CAST: variants seen among roughly 807,000 people sequenced by gnomAD.
The protein encoded by CAST is MIR583 host.
A neutral mutation model predicts 119.6 loss-of-function variants in CAST; 76 were observed. The ratio of observed to expected loss-of-function variants is 0.64; its 90% CI spans 0.53 to 0.77. The LOEUF (loss-of-function observed/expected upper bound fraction) is 0.77, where lower values mean the gene tolerates loss of function less well. Among genes scored for constraint, CAST ranks in the 30% least tolerant of loss-of-function variants. The pLI, the probability that CAST is intolerant of heterozygous loss-of-function variation, is 0.00. For synonymous variants in CAST, 319 were observed against 331.6 expected, an observed-to-expected ratio of 0.96 and a Z score of 0.41; for missense variants, 953 against 946.5, an observed-to-expected ratio of 1.01 and a Z score of -0.09.
At chr5:96,544,659 T>G (rs1745972802) in intron 1 of CAST, among the ~76,000 whole-genome samples, 1 of 151,906 alleles carries the variant, frequency 6.6e-6, no homozygotes, top group Admixed American at 6.6e-5. Flanking sequence ...AATTGAATAA[T>G]ATAAAATTCT....
intron 1 of CAST, among the ~76,000 whole-genome samples, chr5:96,535,020 C>T (rs569743980): frequency 6.6e-6 from 1 of 152,018 alleles, no homozygotes; most frequent in Non-Finnish European, 1.5e-5. Flanking sequence ...TACAAAGCCA[C>T]AATAATGTAA....
chr5:96,617,565 G>A (rs934478412), intron 1 of CAST, among the ~76,000 whole-genome samples: 1 of 151,748 alleles, frequency 6.6e-6, no homozygotes, highest in African/African-American at 2.4e-5. Flanking sequence ...CAAGGCGGGC[G>A]AATCACAAGG....
At chr5:96,203,200 A>G in the CAST span, among the ~76,000 whole-genome samples, 1 of 151,948 alleles carries the variant, frequency 6.6e-6, no homozygotes. Context: ...GCCCTTAAAT[A>G]GTCTTCTACA....
the CAST span, among the ~76,000 whole-genome samples, chr5:96,295,194 T>C: frequency 6.6e-6 from 1 of 152,238 alleles, no homozygotes; most frequent in African/African-American, 2.4e-5. Context: ...TGAGTAACTA[T>C]AGTGCTTTTT....
chr5:96,746,499 A>G, intron 17 of CAST, 74 bp downstream of exon 17: 1 of 884,688 alleles, frequency 1.1e-6, no homozygotes, highest in South Asian at 1.3e-5. Flanking sequence ...TGTACCCTTG[A>G]CATTGTCAAA....
At chr5:96,534,204 T>C (rs907232282) in intron 1 of CAST, among the ~76,000 whole-genome samples, 7 of 152,186 alleles carry the variant, frequency 4.6e-5, no homozygotes, top group African/African-American at 1.4e-4. Flanking sequence ...GCAAATCACA[T>C]TGAATCGACA....
chr5:96,403,001 G>T, the CAST span, among the ~76,000 whole-genome samples: 4 of 152,156 alleles, frequency 2.6e-5, no homozygotes, highest in African/African-American at 9.7e-5. Flanking sequence ...CAGTCAATGG[G>T]CAACACACCA....
At chr5:96,339,958 G>T in the CAST span, among the ~76,000 whole-genome samples, 1 of 152,126 alleles carries the variant, frequency 6.6e-6, no homozygotes, top group Non-Finnish European at 1.5e-5. Context: ...GAGCTCTGTG[G>T]GTTAGGATCC....
At chr5:96,361,743 C>G in the CAST span, among the ~76,000 whole-genome samples, 7 of 144,280 alleles carry the variant, frequency 4.9e-5, no homozygotes, top group Non-Finnish European at 9.0e-5. Context: ...AGGTTGATCT[C>G]GGTGGGAGCT....
the CAST span, among the ~76,000 whole-genome samples, chr5:96,277,536 A>G: frequency 1.3e-5 from 2 of 152,286 alleles, no homozygotes; most frequent in East Asian, 3.9e-4. Context: ...AAACATGGCA[A>G]ATAAGGATGA....
At chr5:96,500,477 A>G in the CAST span, among the ~76,000 whole-genome samples, 2 of 152,182 alleles carry the variant, frequency 1.3e-5, no homozygotes, top group Non-Finnish European at 2.9e-5. Context: ...ATTTGGATCT[A>G]GTTGTACTGG....
chr5:96,271,728 G>T, the CAST span, among the ~76,000 whole-genome samples: 1,401 of 149,586 alleles, frequency 9.4e-3, 26 homozygotes, highest in African/African-American at 0.033. Flanking sequence ...AGATCTCAAA[G>T]CACAGGAAAC....
At chr5:96,560,950 C>G (rs1746345389) in intron 1 of CAST, among the ~76,000 whole-genome samples, 1 of 152,170 alleles carries the variant, frequency 6.6e-6, no homozygotes, top group Admixed American at 6.5e-5. Flanking sequence ...TTGGAACCTA[C>G]CCAAATGTCC....
chr5:96,513,741 A>C, the CAST span, among the ~76,000 whole-genome samples: 1 of 152,156 alleles, frequency 6.6e-6, no homozygotes, highest in Non-Finnish European at 1.5e-5. Context: ...ATTTTTTTGA[A>C]AAATCTTAGC....
chr5:96,665,712 G>A (rs1561451082), intron 1 of CAST, among the ~76,000 whole-genome samples: 1 of 151,612 alleles, frequency 6.6e-6, no homozygotes, highest in Non-Finnish European at 1.5e-5. Flanking sequence ...AAAGGTCCAT[G>A]GAGCCAGTTT....
chr5:96,051,873 C>G, the CAST span, among the ~76,000 whole-genome samples: 1 of 152,124 alleles, frequency 6.6e-6, no homozygotes, highest in Admixed American at 6.6e-5. Flanking sequence ...ATACAACAAC[C>G]AGATTAATCC....
chr5:96,475,105 T>G, the CAST span, among the ~76,000 whole-genome samples: 2 of 152,160 alleles, frequency 1.3e-5, no homozygotes, highest in Non-Finnish European at 2.9e-5. Context: ...GCAAAGCACC[T>G]AGTCAGTCTC....
At chr5:96,148,646 C>A in the CAST span, among the ~76,000 whole-genome samples, 1 of 152,194 alleles carries the variant, frequency 6.6e-6, no homozygotes, top group African/African-American at 2.4e-5. Flanking sequence ...TCTTGTGTAA[C>A]TCTGAAGTTA....
chr5:96,110,324 T>A, the CAST span, among the ~76,000 whole-genome samples: 532 of 152,356 alleles, frequency 3.5e-3, 2 homozygotes, highest in African/African-American at 4.5e-3. Flanking sequence ...GTTATCTCAA[T>A]TTCTTCTGAG....
Sources: gnomAD v4.1 joint callset for allele counts (sites outside exome capture counted in the v4.1 genomes callset) on GRCh38, gnomAD v4.1.1 for gene constraint, MANE v1.5 for transcripts, NCBI Gene and HGNC (gene_info 2026-07-23, HGNC 2026-07-21) for gene names.